Variants in WDR27 observed in about 807,000 individuals in gnomAD.
WDR27 encodes WD repeat domain 27.
Under a neutral mutation model 114.4 loss-of-function variants are expected in WDR27, and 100 were observed. That is an observed-to-expected ratio of 0.87 (90% CI 0.74 to 1.03). The LOEUF is 1.03. Among genes scored for constraint, WDR27 ranks in the 50% least tolerant of loss-of-function variants. The probability of loss-of-function intolerance (pLI) is 0.00; values close to 1 mark genes in which losing one functional copy is unlikely to be tolerated. For missense variants in WDR27, 1,129 were observed against 1,092.9 expected (o/e 1.03, Z -0.47); for synonymous variants, 449 against 423.1 (o/e 1.06, Z -0.75).
chr6:169,428,252 T>G, the WDR27 span, among the ~76,000 whole-genome samples: 10 of 152,230 alleles, frequency 6.6e-5, no homozygotes, highest in Admixed American at 6.5e-5. Context: ...CCCTGCTTTT[T>G]GTCTTCTCTG....
At chr6:169,453,944 C>T (rs112116386), downstream of WDR27, among the ~76,000 whole-genome samples, 2,295 of 152,308 alleles carry the variant, frequency 0.015, 48 homozygotes, top group African/African-American at 0.051. Flanking sequence ...ATTAGCTCTC[C>T]ATGGTGCACA....
At chr6:169,572,974 T>A (rs1293850038) in intron 24 of WDR27, among the ~76,000 whole-genome samples, 3 of 152,168 alleles carry the variant, frequency 2.0e-5, no homozygotes, top group Non-Finnish European at 4.4e-5. Flanking sequence ...GTTTCTGCCT[T>A]TCCTGCATGT....
intron 25 of WDR27, among the ~76,000 whole-genome samples, chr6:169,527,330 T>C (rs1795070504): frequency 6.6e-6 from 1 of 152,196 alleles, no homozygotes; most frequent in African/African-American, 2.4e-5. Context: ...TAATACATGA[T>C]ATAACACAAA....
chr6:169,664,210 G>GTC lies in WDR27; in HGVS notation c.858_859dup (p.Thr287ArgfsTer35). On this transcript the variant is annotated frameshift_variant, in exon 8 of 26. Coordinates refer to ENST00000448612, the MANE Select transcript of WDR27 (RefSeq NM_182552.5). LOFTEE classifies it high-confidence loss of function. ...AGACTTAACCCTTCTTGTGGAGAAA[G>GTC]TCTCTGTCTTCTTCCTTAGGTCAAC... 1.2e-6 allele frequency: 2 copies of GTC among 1,612,320 alleles called. No homozygotes were observed. The highest frequency in any genetic ancestry group is 1.7e-5 in the Admixed American group (1 of 59,880).
intron 22 of WDR27, among the ~76,000 whole-genome samples, chr6:169,612,537 AG>A (rs1307243589): frequency 7.4e-6 from 1 of 135,406 alleles, no homozygotes; most frequent in African/African-American, 2.9e-5. Flanking sequence ...CCTTGAGCTC[AG>A]GGGTGGGGTG....
chr6:169,619,244 A>G (rs1812574330), intron 21 of WDR27, among the ~76,000 whole-genome samples: 1 of 152,218 alleles, frequency 6.6e-6, no homozygotes, highest in Non-Finnish European at 1.5e-5. Flanking sequence ...GAATTGGGAA[A>G]TTAGACGGTC....
intron 24 of WDR27, among the ~76,000 whole-genome samples, chr6:169,580,287 C>T (rs1282997039): frequency 6.6e-6 from 1 of 152,252 alleles, no homozygotes; most frequent in African/African-American, 2.4e-5. Flanking sequence ...ACCTGTGCTT[C>T]ACACAAGAAC....
intron 25 of WDR27, among the ~76,000 whole-genome samples, chr6:169,469,228 C>T (rs911586500): frequency 6.6e-5 from 10 of 152,220 alleles, no homozygotes; most frequent in Admixed American, 4.6e-4. Flanking sequence ...ACTCTAAAGT[C>T]TAAAAGTCCA....
intron 25 of WDR27, among the ~76,000 whole-genome samples, chr6:169,571,725 C>T (rs536110749): frequency 6.6e-6 from 1 of 152,214 alleles, no homozygotes; most frequent in Non-Finnish European, 1.5e-5. Context: ...CCAGTCCGAG[C>T]AACTCAGGAA....
intron 9 of WDR27, among the ~76,000 whole-genome samples, 191 bp from the exon 10 acceptor site, chr6:169,660,957 G>A (rs370112836): frequency 3.5e-3 from 486 of 140,310 alleles, no homozygotes; most frequent in Middle Eastern, 0.016. Flanking sequence ...TGGGCCCCAC[G>A]TGCGCCCCTT....
the WDR27 span, among the ~76,000 whole-genome samples, chr6:169,436,973 T>C: frequency 6.6e-6 from 1 of 152,138 alleles, no homozygotes; most frequent in African/African-American, 2.4e-5. Flanking sequence ...TTAAAGTTAC[T>C]AAACATTAAG....
chr6:169,643,879 T>C lies in WDR27; in HGVS notation c.1658-93A>G, dbSNP rs1017889922. ...AGCCTAGTTCACAGGAGTCACACTG[T>C]AGAAAATCCCAGTTCATACAAGTCA... On this transcript the variant is annotated intron_variant, in intron 16 of 25. Coordinates refer to ENST00000448612, the MANE Select transcript of WDR27 (RefSeq NM_182552.5). 1.5e-5 allele frequency: 14 copies of C among 960,198 alleles called. No individual in the cohort carries two copies. In the South Asian group the frequency reaches 1.6e-4, roughly 11 times the overall value. The allele number at this position is 960,198 out of a possible 1,614,324, so 59.5% of individuals were successfully genotyped here.
chr6:169,511,493 C>T (rs1217469008), intron 25 of WDR27, among the ~76,000 whole-genome samples: 3 of 151,268 alleles, frequency 2.0e-5, no homozygotes, highest in Non-Finnish European at 1.5e-5. Context: ...TGCCTTCCCC[C>T]CAAAATATAA....
In WDR27 at chr6:169,647,755, C is replaced by T. The variant is rs1318794209; in HGVS notation, c.1657+18G>A. ...CTTACAATGAAATGCTACCCAGCTC[C>T]CGCAGGACGTGGCGCACCTGAGTAC... On this transcript the variant is annotated intron_variant, in intron 16 of 25. Transcript: ENST00000448612. The T allele has an allele frequency of 6.4e-7, 1 of 1,557,514 alleles. No individual in the cohort carries two copies. The highest frequency in any genetic ancestry group is 2.4e-5 in the East Asian group (1 of 42,136).
chr6:169,467,290 T>C lies in WDR27; in HGVS notation c.2646-9656A>G, dbSNP rs189600333. On this transcript the variant is annotated intron_variant, in intron 25 of 25. Coordinates refer to ENST00000448612, the MANE Select transcript of WDR27 (RefSeq NM_182552.5). Reference sequence around the variant, plus strand: ...GTCTACCATTCTGGGGTCTGGAGGATGGTGGCCCTCTTCTCACAGCTCCAC... The same window carrying C: ...GTCTACCATTCTGGGGTCTGGAGGACGGTGGCCCTCTTCTCACAGCTCCAC... Among the ~76,000 whole-genome samples the C allele has an allele frequency of 2.6e-5, 4 of 152,304 alleles. No homozygotes were observed. The East Asian group carries it at 7.8e-4, about 30-fold the overall frequency.
intron 25 of WDR27, among the ~76,000 whole-genome samples, chr6:169,571,082 G>T (rs181919798): frequency 3.3e-5 from 5 of 152,288 alleles, no homozygotes; most frequent in African/African-American, 1.2e-4. Context: ...AGCGGATACA[G>T]TGATCACAAA....
At chr6:169,627,564 C>G (rs1815179756) in intron 21 of WDR27, among the ~76,000 whole-genome samples, 2 of 152,196 alleles carry the variant, frequency 1.3e-5, no homozygotes, top group Admixed American at 1.3e-4. Context: ...ATTCACCATG[C>G]CTGCTGTCCT....
intron 21 of WDR27, among the ~76,000 whole-genome samples, chr6:169,626,919 G>A (rs768349064): frequency 2.0e-5 from 3 of 152,198 alleles, no homozygotes; most frequent in Admixed American, 1.3e-4. Context: ...CTGTGTCTCC[G>A]AGGAGCTGAA....
At chr6:169,629,814 C>G (rs1400222244) in intron 21 of WDR27, among the ~76,000 whole-genome samples, 3 of 151,324 alleles carry the variant, frequency 2.0e-5, no homozygotes, top group Non-Finnish European at 4.4e-5. Context: ...CTAATCCCAG[C>G]TACTCGGGAG....
Sources: allele counts gnomAD v4.1 joint callset (sites outside exome capture counted in the v4.1 genomes callset), GRCh38; gene constraint gnomAD v4.1.1; transcripts MANE v1.5; gene names NCBI Gene and HGNC (gene_info 2026-07-23, HGNC 2026-07-21).